ACSS3: variants seen among roughly 807,000 people sequenced by gnomAD.
ACSS3 encodes the protein acyl-CoA synthetase short chain family member 3.
ACSS3 carries 64 observed loss-of-function variants against 84.2 expected under a neutral mutation model. The observed-to-expected ratio is 0.76, with a 90% CI of 0.62 to 0.94. The LOEUF is 0.94. Among genes scored for constraint, ACSS3 ranks in the 40% least tolerant of loss-of-function variants. The pLI, the probability that ACSS3 is intolerant of heterozygous loss-of-function variation, is 0.00. For synonymous variants in ACSS3, 317 were observed against 310.1 expected (o/e 1.02, Z -0.23); for missense variants, 815 against 867.6 (o/e 0.94, Z 0.76).
At chr12:81,093,333 G>A (rs1268684235) in intron 1 of ACSS3, among the ~76,000 whole-genome samples, 3 of 151,796 alleles carry the variant, frequency 2.0e-5, no homozygotes, top group Non-Finnish European at 4.4e-5. Flanking sequence ...CATGCCTGTT[G>A]TCTCAGCTAC....
intron 4 of ACSS3, among the ~76,000 whole-genome samples, chr12:81,140,969 C>T (rs991430340): frequency 7.9e-5 from 12 of 152,034 alleles, no homozygotes; most frequent in Admixed American, 7.9e-4. Context: ...CTGTTTCTAG[C>T]CTTATTTTGG....
chr12:81,116,078 A>G (rs2121524522), intron 2 of ACSS3, among the ~76,000 whole-genome samples: 1 of 152,202 alleles, frequency 6.6e-6, no homozygotes, highest in East Asian at 1.9e-4. Flanking sequence ...TAATGCAAGT[A>G]TAATGTATAT....
At chr12:81,219,402 A>G (rs2033028388) in intron 10 of ACSS3, among the ~76,000 whole-genome samples, 1 of 152,144 alleles carries the variant, frequency 6.6e-6, no homozygotes, top group Non-Finnish European at 1.5e-5. Flanking sequence ...ATAATCTATT[A>G]AAGCCTAAAA....
At chr12:81,243,292 C>T (rs1307353925) in intron 13 of ACSS3, among the ~76,000 whole-genome samples, 1 of 152,108 alleles carries the variant, frequency 6.6e-6, no homozygotes, top group African/African-American at 2.4e-5. Context: ...CCTAAGAATC[C>T]AGCTTACAAC....
At chr12:81,111,556 C>G (rs987960138) in intron 2 of ACSS3, among the ~76,000 whole-genome samples, 1 of 152,176 alleles carries the variant, frequency 6.6e-6, no homozygotes, top group Admixed American at 6.5e-5. Flanking sequence ...CAAAGGGCCT[C>G]GATCCCAGAC....
At position 81,097,886 on chromosome 12, in the gene ACSS3, A is replaced by G. The variant is rs189535513; in HGVS notation, c.312-11674A>G. On this transcript the variant is annotated intron_variant, in intron 1 of 15. Transcript: ENST00000548058. ...CTTGTCTCTACCTCAGTTTCCTCAT[A>G]TGTAAAATGAGGATTATTGGATGTA... is the stretch of plus-strand genomic sequence containing the variant. Among the ~76,000 whole-genome samples the G allele has an allele frequency of 2.6e-5, 4 of 152,210 alleles. No homozygotes were observed. In the East Asian group the frequency reaches 5.8e-4, roughly 22 times the overall value.
intron 7 of ACSS3, among the ~76,000 whole-genome samples, chr12:81,168,504 C>A (rs748768866): frequency 7.2e-5 from 11 of 152,152 alleles, no homozygotes; most frequent in Non-Finnish European, 1.5e-4. Flanking sequence ...ATAATCTTCT[C>A]AAGTAGTGAT....
chr12:81,134,779 C>T (rs767602373), intron 2 of ACSS3, 37 bp from the exon 3 acceptor site: 5 of 1,427,404 alleles, frequency 3.5e-6, no homozygotes, highest in Non-Finnish European at 4.6e-6. Flanking sequence ...TGAAATAATA[C>T]AAAATACACT....
At chr12:81,245,713 G>A (rs2033962159) in intron 13 of ACSS3, among the ~76,000 whole-genome samples, 1 of 152,086 alleles carries the variant, frequency 6.6e-6, no homozygotes, top group Non-Finnish European at 1.5e-5. Flanking sequence ...TTACTTGTCT[G>A]CCTCTACAGT....
At chr12:81,186,044 GAAA>G (rs1294383253) in intron 8 of ACSS3, among the ~76,000 whole-genome samples, 1 of 151,630 alleles carries the variant, frequency 6.6e-6, no homozygotes, top group African/African-American at 2.4e-5. Flanking sequence ...AGAGACCCCA[GAAA>G]TAGATCCAAA....
At chr12:81,252,722 A>G (rs912241883) in intron 13 of ACSS3, among the ~76,000 whole-genome samples, 1 of 152,098 alleles carries the variant, frequency 6.6e-6, no homozygotes, top group African/African-American at 2.4e-5. Context: ...GTATGAATAT[A>G]GTTCTTCAAC....
At chr12:81,139,380 G>A in intron 4 of ACSS3, 115 bp downstream of exon 4, 5 of 1,146,486 alleles carry the variant, frequency 4.4e-6, no homozygotes, top group East Asian at 2.5e-5. Context: ...ACTGCTGAAT[G>A]TTATTGTTAT....
chr12:81,251,584 C>A (rs1015712101), intron 13 of ACSS3, among the ~76,000 whole-genome samples: 2 of 149,826 alleles, frequency 1.3e-5, no homozygotes, highest in Non-Finnish European at 3.0e-5. Context: ...GTAATCCCAG[C>A]ACTTTGGGAG....
rs1314920160 is a variant in ACSS3 at position 81,257,352 on chromosome 12, G to A, written c.*2430G>A. The A allele has an allele frequency of 1.1e-4, 16 of 152,042 alleles. No homozygotes were observed. The allele number at this position is 152,042 out of a possible 1,614,324, so 9.4% of individuals were successfully genotyped here. On this transcript the variant is annotated 3_prime_UTR_variant, in exon 16 of 16. Transcript: ENST00000548058. ...AATCATCAGACTGCTTAAAATTTGG[G>A]AGGAAAAAATTCTATTTTACTACTA...
chr12:81,199,875 C>A, intron 9 of ACSS3: 1 of 358,266 alleles, frequency 2.8e-6, no homozygotes, highest in Non-Finnish European at 5.3e-6. Flanking sequence ...ATACACACTG[C>A]ACACTGCTCC....
intron 13 of ACSS3, among the ~76,000 whole-genome samples, chr12:81,246,327 T>C (rs2136003996): frequency 6.6e-6 from 1 of 152,262 alleles, no homozygotes; most frequent in East Asian, 1.9e-4. Context: ...GTCACTTATC[T>C]GAAGTAGGGA....
Position 81,151,866 on chromosome 12 carries a change from G to T in ACSS3, c.944G>T (p.Gly315Val). 1.9e-6 allele frequency: 3 copies of T among 1,613,716 alleles called. No individual in the cohort carries two copies. Among genetic ancestry groups the T allele is most frequent in the Non-Finnish European group, 2.5e-6 (3 of 1,179,780 alleles). Residue 315 changes from glycine to valine, a missense_variant, in exon 6 of 16, where the codon GGA becomes GTA. Physicochemically the swap from Gly to Val is moderately radical, Grantham distance 109. Transcript: ENST00000548058. ...LPKGVIRPTG[G>V]YAVMLHWSMS... ...TAGGGTGTGATTAGGCCCACTGGGG[G>T]ATACGCTGTCATGCTACACTGGTCA...
At chr12:81,132,472 A>G (rs1005305883) in intron 2 of ACSS3, among the ~76,000 whole-genome samples, 1 of 151,808 alleles carries the variant, frequency 6.6e-6, no homozygotes, top group African/African-American at 2.4e-5. Flanking sequence ...ATCGGTGGTG[A>G]TATCCCCTTT....
intron 1 of ACSS3, among the ~76,000 whole-genome samples, chr12:81,100,254 C>T (rs1882403882): frequency 1.7e-5 from 2 of 120,506 alleles, no homozygotes; most frequent in South Asian, 5.4e-4. Flanking sequence ...TGGGGTCTTG[C>T]CATGTTGCCC....
Sources: allele counts gnomAD v4.1 joint callset (sites outside exome capture counted in the v4.1 genomes callset), GRCh38; gene constraint gnomAD v4.1.1; transcripts MANE v1.5; gene names NCBI Gene and HGNC (gene_info 2026-07-23, HGNC 2026-07-21).